CEP43: variants seen among roughly 807,000 people sequenced by gnomAD.
CEP43 encodes centrosomal protein 43, also known as FGFR1 oncogene partner.
In CEP43, 36 loss-of-function variants were observed where a neutral mutation model predicts 52.6. That is an observed-to-expected ratio of 0.68 (90% CI 0.52 to 0.90). The LOEUF is 0.90. CEP43 is among the 40% of genes least tolerant of loss of function. The pLI is 0.00. For synonymous variants in CEP43, 192 were observed against 172.4 expected (o/e 1.11, Z -0.89); for missense variants, 506 against 472.8 (o/e 1.07, Z -0.65).
intron 12 of CEP43, chr6:167,035,944 C>A: frequency 2.0e-6 from 1 of 506,998 alleles, no homozygotes; most frequent in Non-Finnish European, 2.5e-6. Context: ...TAGAGATAAG[C>A]GTGTAAAGCA....
chr6:167,008,592 C>T (rs1437076183), intron 5 of CEP43, among the ~76,000 whole-genome samples: 11 of 152,062 alleles, frequency 7.2e-5, no homozygotes, highest in Admixed American at 6.5e-4. Flanking sequence ...CTCAGCCTCC[C>T]GAGTAGCTGG....
rs1780202645 is a variant in CEP43 at position 167,020,554 on chromosome 6, A to G, written c.580-1855A>G. On this transcript the variant is annotated intron_variant, in intron 7 of 12. Coordinates refer to ENST00000366847, the MANE Select transcript of CEP43 (RefSeq NM_007045.4). ...TCCTAGATATAATTTGATCTGAAAA[A>G]TATGAATCTAGTTCAATTCTTGAGG... Among the ~76,000 whole-genome samples, 4 of 152,200 alleles carry G rather than the reference A, an allele frequency of 2.6e-5. 1 individual carries two copies. The South Asian group carries it at 8.3e-4, about 31-fold the overall frequency.
intron 6 of CEP43, 146 bp from the exon 7 acceptor site, chr6:167,013,362 A>C: frequency 1.7e-6 from 1 of 584,970 alleles, no homozygotes; most frequent in East Asian, 3.1e-5. Context: ...AGAAAGGACC[A>C]AAAAAAGCAG....
In CEP43 at chr6:166,999,414, TGGC is replaced by T. The variant is rs1779670659; in HGVS notation, c.7_9del (p.Ala3?). 1 of 1,473,232 alleles carries T rather than the reference TGGC, an allele frequency of 6.8e-7. No homozygotes were observed. The highest frequency in any genetic ancestry group is 1.5e-5 in the African/African-American group (1 of 68,200). The allele number at this position is 1,473,232 out of a possible 1,614,324, so 91.3% of individuals were successfully genotyped here. A position where few individuals can be genotyped will look rare whatever the true frequency, so the allele number is the denominator to read the frequency against. On this transcript the variant is annotated start_lost and inframe_deletion, in exon 1 of 13. Transcript: ENST00000366847. Reference sequence around the variant, plus strand: ...CGGCGGTTGTCTTGGAGAAGCAAGATGGCGGCGACGGCGGCCGCAGTGGTGGCC... The same window carrying T: ...CGGCGGTTGTCTTGGAGAAGCAAGATGGCGACGGCGGCCGCAGTGGTGGCC...
At chr6:167,010,013 A>G (rs1779951508) in intron 5 of CEP43, among the ~76,000 whole-genome samples, 1 of 152,234 alleles carries the variant, frequency 6.6e-6, no homozygotes, top group African/African-American at 2.4e-5. Context: ...TAATATCACC[A>G]ACAGAAATAG....
At chr6:167,003,397 G>T (rs1051921571) in intron 3 of CEP43, 150 bp downstream of exon 3, 1 of 517,678 alleles carries the variant, frequency 1.9e-6, no homozygotes, top group Non-Finnish European at 3.4e-6. Context: ...TACAACAATC[G>T]TGTTGCTATT....
Position 167,022,603 on chromosome 6 carries a change from T to C in CEP43, c.774T>C (p.Asp258=), listed in dbSNP as rs1434740266. The stretch of plus-strand genomic sequence containing the variant: ...TGGAAGGAGATTCTTTCTTTGATGA[T>C]CCCATTCCTAAGCCAGAGAAAACTT... ...DDMEGDSFFD[D]PIPKPEKTYG... The change falls in exon 8 of 13, where the codon GAT becomes GAC. Residue 258 remains aspartate, a synonymous_variant. Transcript: ENST00000366847. 2 of 1,614,060 alleles carry C rather than the reference T, an allele frequency of 1.2e-6. No homozygotes were observed. Among genetic ancestry groups the C allele is most frequent in the Non-Finnish European group, 1.7e-6 (2 of 1,179,904 alleles).
At chr6:167,030,100 C>T (rs763517775) in intron 10 of CEP43, among the ~76,000 whole-genome samples, 2 of 152,250 alleles carry the variant, frequency 1.3e-5, no homozygotes, top group African/African-American at 2.4e-5. Context: ...TGGATGTACA[C>T]GTGCAGGACA....
intron 7 of CEP43, among the ~76,000 whole-genome samples, chr6:167,020,142 GA>G (rs1385228511): frequency 2.0e-5 from 3 of 152,146 alleles, no homozygotes; most frequent in Non-Finnish European, 4.4e-5. Context: ...ATAATACCAG[GA>G]AAATGTCAAG....
rs1780710231 is a variant in CEP43 at position 167,042,014 on chromosome 6, G to C, written c.*2036G>C. 3 of 458,614 alleles carry C rather than the reference G, an allele frequency of 6.5e-6. No homozygotes were observed. The highest frequency in any genetic ancestry group is 6.3e-5 in the Admixed American group (1 of 15,910). The allele number at this position is 458,614 out of a possible 1,614,324, so 28.4% of individuals were successfully genotyped here. ...AATTTTTGTATTTTTAGTAGAGATG[G>C]GGTTTCACCATGTTGGTCAGGCTGG... On this transcript the variant is annotated 3_prime_UTR_variant, in exon 13 of 13. Coordinates refer to ENST00000366847, the MANE Select transcript of CEP43 (RefSeq NM_007045.4).
intron 3 of CEP43, 149 bp downstream of exon 3, chr6:167,003,396 C>T (rs940666995): frequency 1.2e-5 from 6 of 516,182 alleles, no homozygotes; most frequent in African/African-American, 7.9e-5. Context: ...GTACAACAAT[C>T]GTGTTGCTAT....
intron 12 of CEP43, among the ~76,000 whole-genome samples, chr6:167,038,743 G>T (rs1780632631): frequency 6.6e-6 from 1 of 152,126 alleles, no homozygotes. Context: ...TTAAATATGA[G>T]TTGGTTTATG....
At chr6:167,033,533 T>TG (rs1279741448) in intron 11 of CEP43, among the ~76,000 whole-genome samples, 1 of 152,216 alleles carries the variant, frequency 6.6e-6, no homozygotes, top group African/African-American at 2.4e-5. Flanking sequence ...TCTTTCCAAT[T>TG]GGAAGTCTGT....
At position 167,040,241 on chromosome 6, in the gene CEP43, T is replaced by C; in HGVS notation, c.*263T>C. 1.3e-6 allele frequency: 2 copies of C among 1,515,332 alleles called. No individual in the cohort carries two copies. The highest frequency in any genetic ancestry group is 1.8e-6 in the Non-Finnish European group (2 of 1,140,006). The allele number at this position is 1,515,332 out of a possible 1,614,324, so 93.9% of individuals were successfully genotyped here. ...ATTGATTATCTACACTCAGTTTCAT[T>C]ACAGGGAAGGAACCCATGAAAACAT... On this transcript the variant is annotated 3_prime_UTR_variant, in exon 13 of 13. Transcript: ENST00000366847.
At chr6:167,007,161 G>C (rs531723177) in intron 5 of CEP43, among the ~76,000 whole-genome samples, 114 of 152,276 alleles carry the variant, frequency 7.5e-4, no homozygotes, top group Middle Eastern at 3.4e-3. Context: ...ACAGGCTGTG[G>C]AAGAAAGAAT....
In CEP43 at chr6:167,042,188, A is replaced by G; in HGVS notation, c.*2210A>G. 3 of 1,006,836 alleles carry G rather than the reference A, an allele frequency of 3.0e-6. No individual in the cohort carries two copies. Among genetic ancestry groups the G allele is most frequent in the Non-Finnish European group, 3.6e-6 (3 of 841,722 alleles). 62.4% of individuals were successfully genotyped at this position (1,006,836 alleles called of 1,614,324 possible). A position where few individuals can be genotyped will look rare whatever the true frequency, so the allele number is the denominator to read the frequency against. ...AACTATGAAAAAGCTTTCTTTTCAC[A>G]TGTACTTTTTGATTAGGTATTATCA... On this transcript the variant is annotated 3_prime_UTR_variant, in exon 13 of 13. Transcript: ENST00000366847.
At chr6:167,004,792 A>G (rs1224695005) in intron 5 of CEP43, among the ~76,000 whole-genome samples, 1 of 152,162 alleles carries the variant, frequency 6.6e-6, no homozygotes, top group Admixed American at 6.5e-5. Context: ...ACTTGCTATT[A>G]TTTTTATTAA....
At position 167,047,991 on chromosome 6, in the gene CEP43, A is replaced by G. The variant is rs1234914589; in HGVS notation, c.*8013A>G. ...CCACAGACTGTGGTGCCTAGGAATA[A>G]CAGACAAGCTTTAACTCACACGATG... On this transcript the variant is annotated 3_prime_UTR_variant, in exon 13 of 13. Transcript: ENST00000366847. 1 of 152,236 alleles carries G rather than the reference A, an allele frequency of 6.6e-6. No individual in the cohort carries two copies. The highest frequency in any genetic ancestry group is 1.5e-5 in the Non-Finnish European group (1 of 68,036). 9.4% of individuals were successfully genotyped at this position (152,236 alleles called of 1,614,324 possible).
At chr6:167,013,414 AT>A in intron 6 of CEP43, 93 bp from the exon 7 acceptor site, 14 of 1,037,046 alleles carry the variant, frequency 1.3e-5, no homozygotes, top group East Asian at 2.5e-5. Flanking sequence ...CTTCTGAGAC[AT>A]TTTTCAGTAG....
Sources: gnomAD v4.1 joint callset for allele counts (sites outside exome capture counted in the v4.1 genomes callset) on GRCh38, gnomAD v4.1.1 for gene constraint, MANE v1.5 for transcripts, NCBI Gene and HGNC (gene_info 2026-07-23, HGNC 2026-07-21) for gene names.